The following EYS variants were observed in gnomAD, a reference collection of about 807,000 sequenced individuals.
The protein encoded by EYS is protein eyes shut homolog.
A neutral mutation model predicts 282.1 loss-of-function variants in EYS; 250 were observed. The observed-to-expected ratio is 0.89, with a 90% CI of 0.80 to 0.98. EYS has a LOEUF of 0.98. EYS is among the 50% of genes least tolerant of loss of function. EYS has a pLI of 0.00. For missense variants in EYS, 4,016 were observed against 3,709.0 expected, an observed-to-expected ratio of 1.08 and a Z score of -2.15; for synonymous variants, 1,355 against 1,282.9, an observed-to-expected ratio of 1.06 and a Z score of -1.20.
intron 36 of EYS, among the ~76,000 whole-genome samples, chr6:63,830,569 A>T (rs540836510): frequency 1.3e-4 from 20 of 152,240 alleles, no homozygotes; most frequent in Non-Finnish European, 2.6e-4. Context: ...GACTATGTGA[A>T]AAGACCAAAT....
chr6:64,195,497 T>G (rs1765257731), intron 31 of EYS, among the ~76,000 whole-genome samples: 1 of 152,118 alleles, frequency 6.6e-6, no homozygotes, highest in Admixed American at 6.5e-5. Flanking sequence ...GAGACGGGGT[T>G]TCACCATATT....
In EYS at chr6:65,285,440, C is replaced by A. The variant is rs529204482; in HGVS notation, c.2023+10423G>T. ...CAAAAAATGTATCTTTCCTCTCTTGCATTTTTGGATGCTGTTTTATAATGC... is the reference window on the plus strand; with the variant it reads ...CAAAAAATGTATCTTTCCTCTCTTGAATTTTTGGATGCTGTTTTATAATGC... On this transcript the variant is annotated intron_variant, in intron 12 of 42. Coordinates refer to ENST00000503581, the MANE Select transcript of EYS (RefSeq NM_001142800.2). Among the ~76,000 whole-genome samples, 4 of 152,012 alleles carry A rather than the reference C, an allele frequency of 2.6e-5. No individual in the cohort carries two copies. In the East Asian group the frequency reaches 5.8e-4, roughly 22 times the overall value.
At chr6:65,065,465 C>T (rs1583450639) in intron 12 of EYS, among the ~76,000 whole-genome samples, 1 of 151,414 alleles carries the variant, frequency 6.6e-6, no homozygotes, top group African/African-American at 2.4e-5. Flanking sequence ...TCATTGCAAG[C>T]TCCACCTCCC....
intron 22 of EYS, among the ~76,000 whole-genome samples, chr6:64,741,665 C>T (rs1334885787): frequency 6.6e-6 from 1 of 152,206 alleles, no homozygotes; most frequent in Admixed American, 6.5e-5. Flanking sequence ...GCAACTTCTA[C>T]ATCAGCACTT....
At chr6:65,097,809 A>T (rs1243088651) in intron 12 of EYS, among the ~76,000 whole-genome samples, 1 of 150,912 alleles carries the variant, frequency 6.6e-6, no homozygotes, top group Non-Finnish European at 1.5e-5. Flanking sequence ...AAATAAAAAA[A>T]AAAACAAAGT....
chr6:64,108,507 C>CTTTT (rs530004392), intron 31 of EYS, among the ~76,000 whole-genome samples: 42 of 116,840 alleles, frequency 3.6e-4, no homozygotes, highest in African/African-American at 7.1e-4. Flanking sequence ...TCCACTACTG[C>CTTTT]TTTTTTTTTT....
chr6:63,727,706 CAAA>C (rs1169878020), intron 41 of EYS, among the ~76,000 whole-genome samples: 18 of 9,512 alleles, frequency 1.9e-3, no homozygotes, highest in African/African-American at 3.3e-3. Context: ...CACCATCTCT[CAAA>C]AAAAAAAAAA....
intron 34 of EYS, among the ~76,000 whole-genome samples, chr6:63,992,735 C>T (rs1196582633): frequency 6.6e-6 from 1 of 151,638 alleles, no homozygotes; most frequent in African/African-American, 2.4e-5. Flanking sequence ...AAAACTTGGC[C>T]TACAAGAGAT....
intron 31 of EYS, among the ~76,000 whole-genome samples, chr6:64,136,776 G>T (rs1177859579): frequency 6.6e-6 from 1 of 152,002 alleles, no homozygotes; most frequent in Admixed American, 6.6e-5. Flanking sequence ...TCTAGGCTTT[G>T]TTCTTCCATT....
chr6:64,177,748 C>T (rs1764678259), intron 31 of EYS, among the ~76,000 whole-genome samples: 1 of 151,936 alleles, frequency 6.6e-6, no homozygotes, highest in Non-Finnish European at 1.5e-5. Flanking sequence ...TTTTTTTTCT[C>T]TCGGGCATAA....
At chr6:63,851,200 C>T (rs1361292805) in intron 36 of EYS, among the ~76,000 whole-genome samples, 2 of 152,178 alleles carry the variant, frequency 1.3e-5, no homozygotes, top group African/African-American at 2.4e-5. Flanking sequence ...TACAAAGAGA[C>T]TTAGATTCGC....
At chr6:64,210,046 G>A (rs1765714192) in intron 31 of EYS, among the ~76,000 whole-genome samples, 1 of 152,108 alleles carries the variant, frequency 6.6e-6, no homozygotes, top group African/African-American at 2.4e-5. Context: ...AAATTTTGGT[G>A]TTCCCTATGT....
intron 14 of EYS, among the ~76,000 whole-genome samples, chr6:64,974,503 A>C (rs1347135251): frequency 6.6e-6 from 1 of 151,808 alleles, no homozygotes; most frequent in South Asian, 2.1e-4. Flanking sequence ...AGGAAGGATA[A>C]TTAAGCATTT....
Position 65,384,519 on chromosome 6 carries a change from A to C in EYS, c.1185-19T>G, listed in dbSNP as rs747901840. 8.9e-7 allele frequency: 1 copy of C among 1,119,574 alleles called. No homozygotes were observed. Among genetic ancestry groups the C allele is most frequent in the South Asian group, 1.3e-5 (1 of 79,638 alleles). 69.4% of individuals were successfully genotyped at this position (1,119,574 alleles called of 1,614,324 possible). ...TATACAGCTGTAAATACATCAGTGT[A>C]AATTAGAAAAATTATAATTTAAATG... On this transcript the variant is annotated intron_variant, in intron 7 of 42. Transcript: ENST00000503581.
At position 64,936,395 on chromosome 6, in the gene EYS, C is replaced by T. The variant is rs558983072; in HGVS notation, c.2381+9398G>A. The stretch of plus-strand genomic sequence containing the variant: ...CTTTTAAGCTCAGGAACAAGACAAG[C>T]ATATTTAGTCTGTCATTTCTAAGTT... On this transcript the variant is annotated intron_variant, in intron 15 of 42. Transcript: ENST00000503581. Among the ~76,000 whole-genome samples, 12 of 151,470 alleles carry T rather than the reference C, an allele frequency of 7.9e-5. No homozygotes were observed. The South Asian group carries it at 2.5e-3, about 31-fold the overall frequency.
At chr6:65,205,622 A>T (rs1231569530) in intron 12 of EYS, among the ~76,000 whole-genome samples, 1 of 151,920 alleles carries the variant, frequency 6.6e-6, no homozygotes, top group East Asian at 1.9e-4. Context: ...TACACATGGA[A>T]CATTTGACCA....
chr6:64,439,029 G>A, intron 27 of EYS, 133 bp downstream of exon 27: 5 of 422,730 alleles, frequency 1.2e-5, no homozygotes, highest in Non-Finnish European at 2.0e-5. Flanking sequence ...TATAAAAGTA[G>A]AGGAAGAGAC....
chr6:65,397,308 T>C (rs371884992), intron 7 of EYS, among the ~76,000 whole-genome samples: 2 of 152,124 alleles, frequency 1.3e-5, no homozygotes, highest in East Asian at 1.9e-4. Flanking sequence ...GCTTTTAGTG[T>C]ACCCATAACC....
chr6:64,699,605 G>C (rs1015720563), intron 22 of EYS, among the ~76,000 whole-genome samples: 2 of 151,950 alleles, frequency 1.3e-5, no homozygotes, highest in Admixed American at 1.3e-4. Context: ...AAATAAAGTG[G>C]ATAAATTTCT....
Sources: gnomAD v4.1 joint callset for allele counts (sites outside exome capture counted in the v4.1 genomes callset) on GRCh38, gnomAD v4.1.1 for gene constraint, MANE v1.5 for transcripts, NCBI Gene and HGNC (gene_info 2026-07-23, HGNC 2026-07-21) for gene names.